The following TECRL variants were observed in gnomAD, a reference collection of about 807,000 sequenced individuals.
TECRL encodes trans-2,3-enoyl-CoA reductase like.
In TECRL, 63 loss-of-function variants were observed where a neutral mutation model predicts 52.8. The observed-to-expected ratio is 1.19, with a 90% confidence interval of 0.97 to 1.47. TECRL has a LOEUF of 1.47. Ranked by LOEUF, TECRL falls within the 40% of genes most tolerant of loss-of-function variation. The pLI is 0.00. For missense variants in TECRL, 482 were observed against 429.6 expected (o/e 1.12, Z -1.08); for synonymous variants, 164 against 141.9 (o/e 1.16, Z -1.10).
chr4:64,336,066 G>A (rs1223766456), intron 2 of TECRL, among the ~76,000 whole-genome samples: 3 of 152,010 alleles, frequency 2.0e-5, no homozygotes, highest in Non-Finnish European at 4.4e-5. Context: ...TCTATTGATT[G>A]GAATAGTTTC....
intron 7 of TECRL, among the ~76,000 whole-genome samples, chr4:64,300,494 T>C (rs1411102592): frequency 6.6e-6 from 1 of 150,576 alleles, no homozygotes; most frequent in African/African-American, 2.4e-5. Context: ...TTGCCTGACC[T>C]TAAAATAAAA....
intron 2 of TECRL, among the ~76,000 whole-genome samples, chr4:64,346,908 TATC>T (rs1720028758): frequency 6.6e-6 from 1 of 152,232 alleles, no homozygotes; most frequent in African/African-American, 2.4e-5. Context: ...CTGAAAAATT[TATC>T]GCTACTGTTT....
At position 64,299,954 on chromosome 4, in the gene TECRL, AAT is replaced by A; in HGVS notation, c.774+18_774+19del. On this transcript the variant is annotated intron_variant, in intron 8 of 11. Transcript: ENST00000381210. ...ACCAAAATTAGAGCGTGAATAGCAA[AAT>A]ATATATATGATACATACCAGAAAAT... 9 of 1,486,360 alleles carry A rather than the reference AAT, an allele frequency of 6.1e-6. No individual in the cohort carries two copies. Among genetic ancestry groups the A allele is most frequent in the South Asian group, 2.9e-5 (2 of 69,180 alleles). The allele number at this position is 1,486,360 out of a possible 1,614,324, so 92.1% of individuals were successfully genotyped here.
intron 1 of TECRL, among the ~76,000 whole-genome samples, chr4:64,401,919 G>A (rs1222110523): frequency 6.6e-6 from 1 of 151,832 alleles, no homozygotes; most frequent in African/African-American, 2.4e-5. Flanking sequence ...GCATTTCTTT[G>A]TTTACCTCAT....
At chr4:64,385,550 A>G (rs571790087) in intron 1 of TECRL, among the ~76,000 whole-genome samples, 1 of 152,190 alleles carries the variant, frequency 6.6e-6, no homozygotes, top group East Asian at 1.9e-4. Context: ...CCGAGCTGCT[A>G]TGTCCATCTG....
intron 8 of TECRL, among the ~76,000 whole-genome samples, chr4:64,297,966 T>A (rs1435055976): frequency 6.6e-6 from 1 of 151,084 alleles, no homozygotes; most frequent in Admixed American, 6.6e-5. Flanking sequence ...TGTAAAAGAG[T>A]CACAGTGGTC....
Position 64,305,257 on chromosome 4 carries a change from A to G in TECRL, c.658-19T>C. 6.2e-7 allele frequency: 1 copy of G among 1,607,310 alleles called. No homozygotes were observed. Among genetic ancestry groups the G allele is most frequent in the Non-Finnish European group, 8.5e-7 (1 of 1,176,280 alleles). On this transcript the variant is annotated intron_variant, in intron 6 of 11. Coordinates refer to ENST00000381210, the MANE Select transcript of TECRL (RefSeq NM_001010874.5). ...CACAACTCTGCAAACAAAACAAAACAAAATAAAAGTTAGGAAAAATATGTA... is the reference window on the plus strand; with the variant it reads ...CACAACTCTGCAAACAAAACAAAACGAAATAAAAGTTAGGAAAAATATGTA...
At chr4:64,358,178 C>A (rs1053239718) in intron 2 of TECRL, among the ~76,000 whole-genome samples, 1 of 151,580 alleles carries the variant, frequency 6.6e-6, no homozygotes, top group South Asian at 2.1e-4. Flanking sequence ...GTATGCTAAA[C>A]GTTAAAATGA....
At chr4:64,295,985 A>T (rs1156664781) in intron 8 of TECRL, among the ~76,000 whole-genome samples, 1 of 151,982 alleles carries the variant, frequency 6.6e-6, no homozygotes, top group Non-Finnish European at 1.5e-5. Flanking sequence ...GAAATTTGAG[A>T]TGAGAGCAAA....
chr4:64,368,925 A>G (rs1170174818), intron 2 of TECRL, among the ~76,000 whole-genome samples: 1 of 152,116 alleles, frequency 6.6e-6, no homozygotes, highest in South Asian at 2.1e-4. Context: ...GCAAAGATTT[A>G]TATGCATTCC....
chr4:64,402,683 A>C (rs1724435772), intron 1 of TECRL, among the ~76,000 whole-genome samples: 1 of 152,158 alleles, frequency 6.6e-6, no homozygotes, highest in African/African-American at 2.4e-5. Context: ...GAGCCTGATA[A>C]GTAGTATAGA....
intron 1 of TECRL, among the ~76,000 whole-genome samples, chr4:64,379,199 G>A (rs141572104): frequency 9.5e-4 from 143 of 150,668 alleles, no homozygotes; most frequent in African/African-American, 3.4e-3. Context: ...TAGAAGTACA[G>A]CCTAAAACAT....
At chr4:64,348,633 T>C (rs1472754887) in intron 2 of TECRL, among the ~76,000 whole-genome samples, 1 of 152,180 alleles carries the variant, frequency 6.6e-6, no homozygotes, top group Non-Finnish European at 1.5e-5. Context: ...ATCAAAGTGG[T>C]CTGTACCCCA....
chr4:64,402,409 A>G (rs190912637), intron 1 of TECRL, among the ~76,000 whole-genome samples: 3 of 152,220 alleles, frequency 2.0e-5, no homozygotes, highest in East Asian at 1.9e-4. Flanking sequence ...AGCATAAAAT[A>G]TCTCTTTTAA....
At chr4:64,367,522 T>C (rs1224875619) in intron 2 of TECRL, among the ~76,000 whole-genome samples, 1 of 151,152 alleles carries the variant, frequency 6.6e-6, no homozygotes, top group Non-Finnish European at 1.5e-5. Flanking sequence ...AAAAGTGTCA[T>C]ATATCACATA....
chr4:64,283,899 A>AC (rs1002259291), intron 9 of TECRL, among the ~76,000 whole-genome samples: 1 of 151,814 alleles, frequency 6.6e-6, no homozygotes, highest in Admixed American at 6.6e-5. Context: ...CTGCAAGAAT[A>AC]CCCCCCTTGA....
intron 8 of TECRL, among the ~76,000 whole-genome samples, chr4:64,294,419 T>C (rs1388388329): frequency 2.6e-5 from 4 of 152,200 alleles, no homozygotes; most frequent in Admixed American, 2.6e-4. Context: ...TTGCCAAACA[T>C]TTATTCACTG....
At chr4:64,389,926 GT>G (rs1723431683) in intron 1 of TECRL, among the ~76,000 whole-genome samples, 1 of 151,746 alleles carries the variant, frequency 6.6e-6, no homozygotes, top group Non-Finnish European at 1.5e-5. Context: ...TAGCTTTTTG[GT>G]TTGCTTCAGC....
At chr4:64,302,772 A>T (rs556271693) in intron 7 of TECRL, among the ~76,000 whole-genome samples, 108 of 151,486 alleles carry the variant, frequency 7.1e-4, no homozygotes, top group African/African-American at 2.6e-3. Context: ...AGAATTACTG[A>T]TTTGTTTAAT....
Sources: allele counts gnomAD v4.1 joint callset (sites outside exome capture counted in the v4.1 genomes callset), GRCh38; gene constraint gnomAD v4.1.1; transcripts MANE v1.5; gene names NCBI Gene and HGNC (gene_info 2026-07-23, HGNC 2026-07-21).